SVOPL: variants seen among roughly 807,000 people sequenced by gnomAD.
The protein encoded by SVOPL is SVOP like.
A neutral mutation model predicts 61.0 loss-of-function variants in SVOPL; 60 were observed. The ratio of observed to expected loss-of-function variants is 0.98; its 90% confidence interval spans 0.80 to 1.22. The LOEUF (loss-of-function observed/expected upper bound fraction) is 1.22. SVOPL is among the 50% of genes most tolerant of loss of function. SVOPL has a pLI of 0.00. For missense variants in SVOPL, 662 were observed against 643.9 expected, an observed-to-expected ratio of 1.03 and a Z score of -0.30; for synonymous variants, 279 against 250.0, an observed-to-expected ratio of 1.12 and a Z score of -1.09.
chr7:138,686,881 G>A (rs533951735), intron 1 of SVOPL, among the ~76,000 whole-genome samples: 44 of 152,026 alleles, frequency 2.9e-4, no homozygotes, highest in African/African-American at 1.0e-3. Flanking sequence ...TAATCTAGCT[G>A]GGGACGCAAA....
intron 9 of SVOPL, among the ~76,000 whole-genome samples, chr7:138,643,208 C>T (rs1011174891): frequency 1.4e-4 from 22 of 151,974 alleles, no homozygotes; most frequent in East Asian, 1.9e-4. Context: ...GGGCGGATCA[C>T]GAGGTCAGGA....
At chr7:138,618,717 A>G (rs1009905070) in intron 14 of SVOPL, among the ~76,000 whole-genome samples, 4 of 151,908 alleles carry the variant, frequency 2.6e-5, no homozygotes, top group Non-Finnish European at 4.4e-5. Context: ...CGCGAGAGAG[A>G]GAGAGAGGAA....
Position 138,602,447 on chromosome 7 carries a change from A to AGC in SVOPL, c.1354-5918_1354-5917insGC, listed in dbSNP as rs1798566558. 1.8e-4 allele frequency among the ~76,000 whole-genome samples: 3 copies of AGC among 16,344 alleles called. No homozygotes were observed. In the South Asian group the frequency reaches 4.6e-3, roughly 25 times the overall value. The allele number at this position is 16,344 out of a possible 152,430, so 10.7% of individuals were successfully genotyped here. On this transcript the variant is annotated intron_variant, in intron 14 of 15. Coordinates refer to ENST00000674285, the MANE Select transcript of SVOPL (RefSeq NM_001139456.2). ...TAGTGAGAAAAGGCAGTTGCTATATATATATATATATATATATATATATAT... is the reference window on the plus strand; with the variant it reads ...TAGTGAGAAAAGGCAGTTGCTATATAGCTATATATATATATATATATATATAT...
chr7:138,681,210 A>G (rs1802694161), intron 1 of SVOPL, among the ~76,000 whole-genome samples: 2 of 147,462 alleles, frequency 1.4e-5, no homozygotes, highest in South Asian at 4.2e-4. Flanking sequence ...AAATATAATA[A>G]ATTAACAAAT....
Position 138,628,886 on chromosome 7 carries a change from C to T in SVOPL, c.864-523G>A, listed in dbSNP as rs78583608. On this transcript the variant is annotated intron_variant, in intron 10 of 15. Transcript: ENST00000674285. ...GTCTCTTGCCTATTTCTAAATTGGG[C>T]TGTTGGCCGAACATGGTGGCTCATG... is the stretch of plus-strand genomic sequence containing the variant. Among the ~76,000 whole-genome samples, 1,301 of 152,198 alleles carry T rather than the reference C, an allele frequency of 8.5e-3. 17 individuals carry two copies. Among genetic ancestry groups the T allele is most frequent in the African/African-American group, 0.03 (1,247 of 41,514 alleles).
intron 14 of SVOPL, among the ~76,000 whole-genome samples, chr7:138,603,955 CTTTTTTTTTTTT>C (rs560678707): frequency 9.2e-6 from 1 of 109,252 alleles, no homozygotes; most frequent in Non-Finnish European, 1.9e-5. Context: ...TTAATTTATT[CTTTTTTTTTTTT>C]TTTTTTTTTT....
chr7:138,682,232 G>C (rs1034163259), intron 1 of SVOPL, among the ~76,000 whole-genome samples: 1 of 152,158 alleles, frequency 6.6e-6, no homozygotes, highest in African/African-American at 2.4e-5. Context: ...GAGGTGAAAG[G>C]CTGATGGTGA....
At position 138,637,472 on chromosome 7, in the gene SVOPL, A is replaced by ATC. The variant is rs1221650885; in HGVS notation, c.789+7244_789+7245insGA. 1.0e-3 allele frequency among the ~76,000 whole-genome samples: 47 copies of ATC among 47,046 alleles called. 1 individual carries two copies. The South Asian group carries it at 0.06, about 60-fold the overall frequency. The allele number at this position is 47,046 out of a possible 152,430, so 30.9% of individuals were successfully genotyped here. ...GATAGATAGATATATATATATAGAT[A>ATC]TAGATATAGATATAGATAGATATAT... On this transcript the variant is annotated intron_variant, in intron 9 of 15. Transcript: ENST00000674285.
At chr7:138,598,409 C>T (rs886252403) in intron 14 of SVOPL, among the ~76,000 whole-genome samples, 1 of 152,208 alleles carries the variant, frequency 6.6e-6, no homozygotes, top group African/African-American at 2.4e-5. Context: ...CCTACCTCAA[C>T]AATTGATAGG....
At chr7:138,643,329 G>A (rs907041725) in intron 9 of SVOPL, among the ~76,000 whole-genome samples, 4 of 150,576 alleles carry the variant, frequency 2.7e-5, no homozygotes, top group African/African-American at 9.8e-5. Flanking sequence ...GGAGGCTGAG[G>A]CAGGAGAATT....
At chr7:138,692,689 AAAT>A (rs1656128441) in intron 1 of SVOPL, among the ~76,000 whole-genome samples, 1 of 152,214 alleles carries the variant, frequency 6.6e-6, no homozygotes, top group Non-Finnish European at 1.5e-5. Flanking sequence ...ACCGCTAGAG[AAAT>A]AAATAGAATC....
intron 1 of SVOPL, among the ~76,000 whole-genome samples, chr7:138,697,777 G>A (rs1362895130): frequency 6.6e-6 from 1 of 150,874 alleles, no homozygotes; most frequent in Admixed American, 6.7e-5. Context: ...GGAGAAGGAG[G>A]AGGAGAAGGA....
chr7:138,647,685 C>A (rs930441464), intron 8 of SVOPL, among the ~76,000 whole-genome samples: 1 of 151,688 alleles, frequency 6.6e-6, no homozygotes, highest in Non-Finnish European at 1.5e-5. Context: ...CCCATCTCTA[C>A]TAAAATACAA....
rs775234889 is a variant in SVOPL, at chr7:138,596,575, C to T, written c.1354-45G>A. The T allele has an allele frequency of 4.4e-6, 7 of 1,596,644 alleles. No individual in the cohort carries two copies. The South Asian group carries it at 6.8e-5, about 15-fold the overall frequency. ...TACTCAATTTATTATGCTCCAGTTACCTCTAAACTGTTCTTTATGTGAAAG... is the reference window on the plus strand; with the variant it reads ...TACTCAATTTATTATGCTCCAGTTATCTCTAAACTGTTCTTTATGTGAAAG... On this transcript the variant is annotated intron_variant, in intron 14 of 15. Transcript: ENST00000674285.
Position 138,679,005 on chromosome 7 carries a change from A to G in SVOPL, c.41T>C (p.Leu14Pro). Residue 14 changes from leucine (L) to proline (P), a missense_variant, in exon 2 of 16, where the codon CTT (leucine) becomes CCT (proline). Coordinates refer to ENST00000674285, the MANE Select transcript of SVOPL (RefSeq NM_001139456.2). ...KPTEPVTILS[L>P]RKLSLGTAEP... The stretch of plus-strand genomic sequence containing the variant: ...TGCGGTCCCCAGGCTCAATTTCCGA[A>G]GGCTGAGGATCGTGACAGGCTCTGT... 6.4e-7 allele frequency: 1 copy of G among 1,551,644 alleles called. No homozygotes were observed. The highest frequency in any genetic ancestry group is 2.0e-5 in the Admixed American group (1 of 50,996).
rs186784602 is a variant in SVOPL at position 138,605,051 on chromosome 7, A to G, written c.1354-8521T>C. On this transcript the variant is annotated intron_variant, in intron 14 of 15. Coordinates refer to ENST00000674285, the MANE Select transcript of SVOPL (RefSeq NM_001139456.2). Reference sequence around the variant, plus strand: ...GGCAACACAATGAGCCCTGAGCTCTAAAAAAGAGAAAAAAATGTGAAAGAG... The same window carrying G: ...GGCAACACAATGAGCCCTGAGCTCTGAAAAAGAGAAAAAAATGTGAAAGAG... Among the ~76,000 whole-genome samples, 399 of 152,042 alleles carry G rather than the reference A, an allele frequency of 2.6e-3. 1 individual carries two copies. Among genetic ancestry groups the G allele is most frequent in the African/African-American group, 9.3e-3 (386 of 41,480 alleles).
chr7:138,675,236 AAAAAAAAGAAAAAAG>A (rs1802529130), intron 3 of SVOPL, among the ~76,000 whole-genome samples: 1 of 149,952 alleles, frequency 6.7e-6, no homozygotes, highest in Non-Finnish European at 1.5e-5. Context: ...TCTCATCTCA[AAAAAAAAGAAAAAAG>A]AAAAAAAGAA....
intron 1 of SVOPL, among the ~76,000 whole-genome samples, chr7:138,686,853 C>A (rs1257284811): frequency 6.6e-6 from 1 of 151,876 alleles, no homozygotes; most frequent in Non-Finnish European, 1.5e-5. Context: ...CATGAGCCAC[C>A]GCACCTGGCC....
intron 1 of SVOPL, among the ~76,000 whole-genome samples, chr7:138,683,206 A>T (rs991763881): frequency 6.6e-6 from 1 of 152,150 alleles, no homozygotes; most frequent in Admixed American, 6.6e-5. Context: ...TTATTTTAAA[A>T]TAAATAATAG....
Sources: allele counts gnomAD v4.1 joint callset (sites outside exome capture counted in the v4.1 genomes callset), GRCh38; gene constraint gnomAD v4.1.1; transcripts MANE v1.5; gene names NCBI Gene and HGNC (gene_info 2026-07-23, HGNC 2026-07-21).